NETO1: variants seen among roughly 807,000 people sequenced by gnomAD.
NETO1 encodes neuropilin and tolloid-like protein 1.
NETO1 carries 26 observed loss-of-function variants against 61.3 expected under a neutral mutation model. The observed-to-expected ratio is 0.42, with a 90% CI of 0.31 to 0.59. The LOEUF is 0.59. Among genes scored for constraint, NETO1 ranks in the 20% least tolerant of loss-of-function variants. The pLI is 0.12. For missense variants in NETO1, 531 were observed against 662.8 expected (o/e 0.80, Z 2.18); for synonymous variants, 225 against 225.8 (o/e 1.00, Z 0.03).
chr18:72,777,432 A>C (rs1445102132), intron 7 of NETO1, among the ~76,000 whole-genome samples: 2 of 104,350 alleles, frequency 1.9e-5, no homozygotes, highest in African/African-American at 1.0e-4. Context: ...AAAAAAAAAC[A>C]AAACAACAAC....
Position 72,743,883 on chromosome 18 carries a change from C to A in NETO1, c.*4296G>T, listed in dbSNP as rs2070377666. The stretch of plus-strand genomic sequence containing the variant: ...CAAAAACAATTTTTCAAAGAGCAAA[C>A]CACTATAAAATAGCATGCCTCAGAG... On this transcript the variant is annotated 3_prime_UTR_variant, in exon 11 of 11. Transcript: ENST00000327305. 1 of 152,052 alleles carries A rather than the reference C, an allele frequency of 6.6e-6. No individual in the cohort carries two copies. Among genetic ancestry groups the A allele is most frequent in the South Asian group, 2.1e-4 (1 of 4,826 alleles). The allele number at this position is 152,052 out of a possible 1,614,324, so 9.4% of individuals were successfully genotyped here. A position where few individuals can be genotyped will look rare whatever the true frequency, so the allele number is the denominator to read the frequency against.
At chr18:72,766,226 G>A (rs1321076831) in intron 7 of NETO1, among the ~76,000 whole-genome samples, 1,147 of 106,078 alleles carry the variant, frequency 0.011, 10 homozygotes, top group Middle Eastern at 0.039. Context: ...AAATATGTGT[G>A]TGTGTGTGTG....
intron 4 of NETO1, among the ~76,000 whole-genome samples, chr18:72,822,581 C>T (rs139414331): frequency 6.6e-6 from 1 of 152,326 alleles, no homozygotes; most frequent in East Asian, 1.9e-4. Flanking sequence ...AACTTTCCTA[C>T]CGCCAAGCAA....
At chr18:72,828,509 T>C (rs2073465077) in intron 4 of NETO1, among the ~76,000 whole-genome samples, 1 of 152,160 alleles carries the variant, frequency 6.6e-6, no homozygotes. Context: ...AAAACAAAGA[T>C]ATTCAAAGTG....
chr18:72,777,460 G>A (rs1252827610), intron 7 of NETO1, among the ~76,000 whole-genome samples: 1 of 148,760 alleles, frequency 6.7e-6, no homozygotes, highest in African/African-American at 2.5e-5. Context: ...AAACAAAAAA[G>A]GCCGGGCGCG....
At chr18:72,835,021 G>T in intron 4 of NETO1, 1 of 990,348 alleles carries the variant, frequency 1.0e-6, no homozygotes, top group Non-Finnish European at 1.2e-6. Context: ...AATACAAGAA[G>T]TCCCTCACAT....
At chr18:72,812,594 T>C (rs1165998544) in intron 4 of NETO1, among the ~76,000 whole-genome samples, 1 of 152,218 alleles carries the variant, frequency 6.6e-6, no homozygotes, top group African/African-American at 2.4e-5. Flanking sequence ...ATTACTTTTT[T>C]TATTCTCAAT....
chr18:72,748,299 G>T (rs756120114), intron 10 of NETO1, 135 bp from the exon 11 acceptor site: 150 of 984,526 alleles, frequency 1.5e-4, no homozygotes, highest in Non-Finnish European at 1.8e-4. Flanking sequence ...GAGGAGTTTA[G>T]AAGAGATTAG....
intron 4 of NETO1, among the ~76,000 whole-genome samples, chr18:72,807,091 C>G (rs2072698665): frequency 6.7e-6 from 1 of 150,208 alleles, no homozygotes; most frequent in Non-Finnish European, 1.5e-5. Flanking sequence ...TGTTTTAATA[C>G]TCTGAGTTAA....
intron 4 of NETO1, among the ~76,000 whole-genome samples, chr18:72,842,639 G>T (rs538304526): frequency 1.2e-4 from 18 of 152,238 alleles, no homozygotes; most frequent in Non-Finnish European, 1.9e-4. Context: ...GAACAAATTG[G>T]TGTCTTTGAG....
At chr18:72,757,276 A>G (rs945939234) in intron 7 of NETO1, among the ~76,000 whole-genome samples, 3 of 152,156 alleles carry the variant, frequency 2.0e-5, no homozygotes, top group Non-Finnish European at 1.5e-5. Context: ...TGTATATTAC[A>G]TAAGTTTTAG....
chr18:72,754,549 A>G (rs149167092), intron 8 of NETO1, among the ~76,000 whole-genome samples: 2 of 152,294 alleles, frequency 1.3e-5, no homozygotes, highest in East Asian at 3.9e-4. Context: ...CAGAAAAAAT[A>G]TAACTCAAGA....
intron 4 of NETO1, among the ~76,000 whole-genome samples, chr18:72,852,671 T>A (rs2074287672): frequency 6.6e-6 from 1 of 152,140 alleles, no homozygotes; most frequent in Admixed American, 6.5e-5. Context: ...AAACAAGATT[T>A]CTGTCTCTCT....
intron 4 of NETO1, among the ~76,000 whole-genome samples, chr18:72,835,807 G>A (rs974374593): frequency 6.6e-6 from 1 of 152,118 alleles, no homozygotes; most frequent in Non-Finnish European, 1.5e-5. Context: ...ATTCTTCCAC[G>A]TGTCGACACT....
In NETO1 at chr18:72,848,264, G is replaced by A. The variant is rs182594794; in HGVS notation, c.469+10562C>T. On this transcript the variant is annotated intron_variant, in intron 4 of 10. Transcript: ENST00000327305. ...TTTCTTCCTACCAATCCTAAATCTG[G>A]CCACCAAGATTCATATCAACCCCAC... 2.9e-4 allele frequency among the ~76,000 whole-genome samples: 44 copies of A among 151,954 alleles called. No individual in the cohort carries two copies. In the East Asian group the frequency reaches 8.3e-3, roughly 29 times the overall value.
At chr18:72,766,355 A>AT (rs1248798579) in intron 7 of NETO1, among the ~76,000 whole-genome samples, 1 of 151,904 alleles carries the variant, frequency 6.6e-6, no homozygotes. Flanking sequence ...CCACAAAACA[A>AT]TTTTTTTCCA....
At chr18:72,860,162 C>A (rs1434757927) in intron 3 of NETO1, among the ~76,000 whole-genome samples, 3 of 152,188 alleles carry the variant, frequency 2.0e-5, no homozygotes, top group Non-Finnish European at 4.4e-5. Flanking sequence ...ATAAAATTTG[C>A]TGAAATGTCA....
Position 72,783,675 on chromosome 18 carries a change from T to C in NETO1, c.868+3A>G. 1 of 1,613,522 alleles carries C rather than the reference T, an allele frequency of 6.2e-7. No homozygotes were observed. Among genetic ancestry groups the C allele is most frequent in the Non-Finnish European group, 8.5e-7 (1 of 1,179,418 alleles). On this transcript the variant is annotated splice_donor_region_variant and intron_variant, in intron 7 of 10. Coordinates refer to ENST00000327305, the MANE Select transcript of NETO1 (RefSeq NM_138966.5). Reference sequence around the variant, plus strand: ...AAAAATAGTCAAGTGCAGAGAATCTTACGTTCTTGAAAGGATGTGAAGAGC... The same window carrying C: ...AAAAATAGTCAAGTGCAGAGAATCTCACGTTCTTGAAAGGATGTGAAGAGC...
chr18:72,794,077 A>G, intron 6 of NETO1, 40 bp downstream of exon 6: 4 of 1,613,844 alleles, frequency 2.5e-6, no homozygotes, highest in Non-Finnish European at 3.4e-6. Flanking sequence ...GACACTTCTC[A>G]ACGTCAGCTG....
Sources: allele counts gnomAD v4.1 joint callset (sites outside exome capture counted in the v4.1 genomes callset), GRCh38; gene constraint gnomAD v4.1.1; transcripts MANE v1.5; gene names NCBI Gene and HGNC (gene_info 2026-07-23, HGNC 2026-07-21).